The following CDH18 variants were observed in gnomAD, a reference collection of about 807,000 sequenced individuals.
CDH18 encodes the protein cadherin-18.
A neutral mutation model predicts 67.9 loss-of-function variants in CDH18; 31 were observed. The observed-to-expected ratio is 0.46, with a 90% CI of 0.34 to 0.62. The LOEUF is 0.62. Among genes scored for constraint, CDH18 ranks in the 20% least tolerant of loss-of-function variants. CDH18 has a pLI of 0.01. For missense variants in CDH18, 890 were observed against 975.5 expected (o/e 0.91, Z 1.17); for synonymous variants, 362 against 347.2 (o/e 1.04, Z -0.48).
chr5:19,574,599 CA>C (rs1027208221), intron 7 of CDH18, among the ~76,000 whole-genome samples: 30 of 151,162 alleles, frequency 2.0e-4, no homozygotes, highest in Admixed American at 1.1e-3. Flanking sequence ...TGGTTTTACC[CA>C]AAAAAAATGG....
At chr5:20,062,525 T>C (rs1163335823) in intron 2 of CDH18, among the ~76,000 whole-genome samples, 8 of 152,126 alleles carry the variant, frequency 5.3e-5, no homozygotes, top group African/African-American at 1.9e-4. Flanking sequence ...TTCACCTTCA[T>C]AGATGATGAT....
At chr5:20,189,607 G>C (rs923177887) in intron 2 of CDH18, among the ~76,000 whole-genome samples, 2 of 152,102 alleles carry the variant, frequency 1.3e-5, no homozygotes, top group African/African-American at 4.8e-5. Context: ...ATAGCCAAAG[G>C]CTAGAGAGGA....
chr5:20,124,536 T>C (rs1285075612), intron 2 of CDH18, among the ~76,000 whole-genome samples: 1 of 152,324 alleles, frequency 6.6e-6, no homozygotes, highest in Admixed American at 6.5e-5. Flanking sequence ...CTGACCTCTT[T>C]TAATGACCAG....
At chr5:19,847,064 C>A (rs1783063962) in intron 2 of CDH18, among the ~76,000 whole-genome samples, 2 of 152,022 alleles carry the variant, frequency 1.3e-5, no homozygotes, top group South Asian at 4.1e-4. Context: ...TCCAAATTCT[C>A]TTATCTTTGA....
At chr5:19,657,862 C>A (rs1254146817) in intron 5 of CDH18, among the ~76,000 whole-genome samples, 1 of 152,072 alleles carries the variant, frequency 6.6e-6, no homozygotes, top group Non-Finnish European at 1.5e-5. Context: ...TCATTCTTAA[C>A]AGAAAGTCTG....
chr5:20,228,206 T>A (rs1300881897), intron 2 of CDH18, among the ~76,000 whole-genome samples: 3 of 152,026 alleles, frequency 2.0e-5, no homozygotes, highest in Non-Finnish European at 4.4e-5. Flanking sequence ...CAAACAGAAC[T>A]TGCAATGTCA....
chr5:20,146,520 G>A (rs1195143842), intron 2 of CDH18, among the ~76,000 whole-genome samples: 1 of 151,680 alleles, frequency 6.6e-6, no homozygotes, highest in Non-Finnish European at 1.5e-5. Flanking sequence ...TAGAAGTTAA[G>A]CTTCAGAAAG....
chr5:20,455,739 A>C (rs565726986), intron 1 of CDH18, among the ~76,000 whole-genome samples: 19 of 152,022 alleles, frequency 1.2e-4, no homozygotes, highest in Admixed American at 2.6e-4. Context: ...AAACATTTAA[A>C]TTTTTTTATA....
At chr5:20,390,363 T>G (rs976648249) in intron 1 of CDH18, among the ~76,000 whole-genome samples, 1 of 152,192 alleles carries the variant, frequency 6.6e-6, no homozygotes, top group African/African-American at 2.4e-5. Flanking sequence ...GAGAGATTTA[T>G]GCAGCCAAAA....
chr5:19,778,639 G>A (rs13189830), intron 3 of CDH18, among the ~76,000 whole-genome samples: 55,655 of 151,922 alleles, frequency 0.37, 12,349 homozygotes, highest in Middle Eastern at 0.56. Flanking sequence ...ACAAGACTCA[G>A]GAAACTGTCA....
At chr5:19,965,588 C>A (rs1797347257) in intron 2 of CDH18, among the ~76,000 whole-genome samples, 1 of 152,240 alleles carries the variant, frequency 6.6e-6, no homozygotes, top group Non-Finnish European at 1.5e-5. Flanking sequence ...AATCAGTGTG[C>A]TAGAATTACA....
intron 3 of CDH18, among the ~76,000 whole-genome samples, chr5:19,810,851 C>T (rs1282388030): frequency 1.3e-5 from 2 of 151,706 alleles, no homozygotes; most frequent in Non-Finnish European, 2.9e-5. Flanking sequence ...GGTGAAACCT[C>T]GTCTCCACTA....
intron 1 of CDH18, among the ~76,000 whole-genome samples, chr5:20,563,542 TTAAA>T (rs1253422617): frequency 6.6e-6 from 1 of 152,114 alleles, no homozygotes; most frequent in East Asian, 1.9e-4. Flanking sequence ...AGGAAACTAC[TTAAA>T]TGTCAATTTT....
chr5:20,425,327 C>A (rs1180598888), intron 1 of CDH18, among the ~76,000 whole-genome samples: 1 of 150,050 alleles, frequency 6.7e-6, no homozygotes, highest in Non-Finnish European at 1.5e-5. Flanking sequence ...GCCAAGATTG[C>A]GCGATTGCAC....
chr5:19,867,770 T>C (rs1458218255), intron 2 of CDH18, among the ~76,000 whole-genome samples: 2 of 152,220 alleles, frequency 1.3e-5, no homozygotes, highest in Non-Finnish European at 2.9e-5. Flanking sequence ...CATTTTGGCA[T>C]TCCATATTAT....
In CDH18 at chr5:20,250,066, T is replaced by C. The variant is rs146752882; in HGVS notation, c.-518+5378A>G. 1.2e-3 allele frequency among the ~76,000 whole-genome samples: 187 copies of C among 152,282 alleles called. 1 individual carries two copies. Among genetic ancestry groups the C allele is most frequent in the African/African-American group, 4.3e-3 (180 of 41,574 alleles). On this transcript the variant is annotated intron_variant, in intron 2 of 14. Coordinates refer to the CDH18 transcript ENST00000507958. ...TTGAACGCTCTTGATATTTAAGCTC[T>C]CAGAATGTTATATTTTACAATGCCA...
At chr5:19,702,695 G>A (rs148880125) in intron 5 of CDH18, among the ~76,000 whole-genome samples, 1 of 152,188 alleles carries the variant, frequency 6.6e-6, no homozygotes, top group African/African-American at 2.4e-5. Flanking sequence ...TTGAACCCGG[G>A]AGGTGGAGTT....
intron 1 of CDH18, among the ~76,000 whole-genome samples, chr5:20,431,503 A>G (rs982141762): frequency 6.8e-6 from 1 of 146,064 alleles, no homozygotes; most frequent in Admixed American, 6.7e-5. Flanking sequence ...AAAAAAAAAA[A>G]AAAGAAGAAG....
intron 1 of CDH18, among the ~76,000 whole-genome samples, chr5:20,558,231 G>C (rs753426406): frequency 2.0e-5 from 3 of 152,020 alleles, no homozygotes; most frequent in Non-Finnish European, 4.4e-5. Flanking sequence ...TTACAACACA[G>C]AATAGGACAA....
Sources: gnomAD v4.1 joint callset for allele counts (sites outside exome capture counted in the v4.1 genomes callset) on GRCh38, gnomAD v4.1.1 for gene constraint, MANE v1.5 for transcripts, NCBI Gene and HGNC (gene_info 2026-07-23, HGNC 2026-07-21) for gene names.